CPNE2: variants seen among roughly 807,000 people sequenced by gnomAD.
CPNE2 encodes the protein copine-2.
In CPNE2, 42 loss-of-function variants were observed where a neutral mutation model predicts 69.7. The ratio of observed to expected loss-of-function variants is 0.60; its 90% CI spans 0.47 to 0.78. The LOEUF is 0.78. Ranked by LOEUF, CPNE2 falls within the 30% of genes least tolerant of loss-of-function variation. The probability of loss-of-function intolerance (pLI) is 0.00; values close to 1 mark genes in which losing one functional copy is unlikely to be tolerated. For synonymous variants in CPNE2, 294 were observed against 289.8 expected, an observed-to-expected ratio of 1.01 and a Z score of -0.15; for missense variants, 587 against 732.0, an observed-to-expected ratio of 0.80 and a Z score of 2.29.
intron 4 of CPNE2, 128 bp from the exon 5 acceptor site, chr16:57,117,368 G>A: frequency 1.2e-6 from 1 of 850,538 alleles, no homozygotes; most frequent in East Asian, 2.7e-5. Context: ...ATTTGTCCAA[G>A]GTCACCTGGA....
intron 3 of CPNE2, 107 bp from the exon 4 acceptor site, chr16:57,115,369 C>G: frequency 1.2e-6 from 1 of 845,076 alleles, no homozygotes; most frequent in Non-Finnish European, 1.9e-6. Flanking sequence ...CCAGCCAGGG[C>G]GGGGTGCAGC....
intron 12 of CPNE2, among the ~76,000 whole-genome samples, chr16:57,129,841 TGG>T (rs1491172039): frequency 6.6e-6 from 1 of 151,380 alleles, no homozygotes; most frequent in Non-Finnish European, 1.5e-5. Flanking sequence ...AAGTGGTTGA[TGG>T]GTCAATGGGT....
intron 1 of CPNE2, among the ~76,000 whole-genome samples, chr16:57,105,070 AG>A (rs1367766037): frequency 5.9e-5 from 9 of 152,152 alleles, no homozygotes; most frequent in Non-Finnish European, 1.2e-4. Flanking sequence ...CTAGGTTTAA[AG>A]ACTCCCTCTG....
chr16:57,123,360 A>G, intron 9 of CPNE2, 54 bp from the exon 10 acceptor site: 10 of 1,555,054 alleles, frequency 6.4e-6, no homozygotes, highest in Non-Finnish European at 8.8e-6. Context: ...CAACTCCCCC[A>G]TGGGGAGTGT....
At chr16:57,103,554 G>A (rs1472698045) in intron 1 of CPNE2, among the ~76,000 whole-genome samples, 2 of 152,174 alleles carry the variant, frequency 1.3e-5, no homozygotes, top group Admixed American at 6.5e-5. Flanking sequence ...TGGAATGGGG[G>A]CTGCCTCCCT....
chr16:57,121,883 G>A (rs1312256731), intron 9 of CPNE2, 123 bp downstream of exon 9: 23 of 822,180 alleles, frequency 2.8e-5, no homozygotes, highest in Non-Finnish European at 3.2e-5. Context: ...GCCACATCCT[G>A]GCCCTATGGC....
rs117705810 is a variant in CPNE2 at position 57,134,231 on chromosome 16, C to T, written c.1117-544C>T. On this transcript the variant is annotated intron_variant, in intron 12 of 15. Transcript: ENST00000290776. Reference sequence around the variant, plus strand: ...GGAGCCTATGATAGCCCCATCTGATCCCCTTGCAGCCCCCTTACACTCCCT... The same window carrying T: ...GGAGCCTATGATAGCCCCATCTGATTCCCTTGCAGCCCCCTTACACTCCCT... 8.3e-3 allele frequency among the ~76,000 whole-genome samples: 1,261 copies of T among 152,278 alleles called. 8 individuals are homozygous for T. The highest frequency in any genetic ancestry group is 0.017 in the Middle Eastern group (5 of 294).
chr16:57,147,560 G>C lies in CPNE2; in HGVS notation c.1549G>C (p.Glu517Gln), dbSNP rs2069968040. The C allele has an allele frequency of 6.2e-7, 1 of 1,601,038 alleles. No individual in the cohort carries two copies. Among genetic ancestry groups the C allele is most frequent in the Non-Finnish European group, 8.5e-7 (1 of 1,171,310 alleles). Residue 517 changes from glutamate to glutamine, a missense_variant, in exon 16 of 16, where the codon GAG (glutamate) becomes CAG (glutamine). Physicochemically the swap from Glu to Gln is conservative, Grantham distance 29. Transcript: ENST00000290776. ...CTCCTCCACCCTGCAGGCAGCAAAAGAGACCTTGGCCAAAGCTGTGCTGGC... is the reference window on the plus strand; with the variant it reads ...CTCCTCCACCCTGCAGGCAGCAAAACAGACCTTGGCCAAAGCTGTGCTGGC... ...PFREFRNAAK[E>Q]TLAKAVLAEL...
Position 57,117,393 on chromosome 16 carries a change from C to T in CPNE2, c.436-103C>T. The T allele has an allele frequency of 3.5e-6, 4 of 1,159,022 alleles. No homozygotes were observed. The South Asian group carries it at 5.5e-5, about 16-fold the overall frequency. The allele number at this position is 1,159,022 out of a possible 1,614,324, so 71.8% of individuals were successfully genotyped here. A position where few individuals can be genotyped will look rare whatever the true frequency, so the allele number is the denominator to read the frequency against. On this transcript the variant is annotated intron_variant, in intron 4 of 15. Coordinates refer to ENST00000290776, the MANE Select transcript of CPNE2 (RefSeq NM_152727.6). ...GGTCACCTGGAACTGCCCTTCCCTTCCCCCTCCTAGCCCTGGAGGATTGCT... is the reference window on the plus strand; with the variant it reads ...GGTCACCTGGAACTGCCCTTCCCTTTCCCCTCCTAGCCCTGGAGGATTGCT...
chr16:57,147,280 G>C (rs1201306455), intron 15 of CPNE2: 1 of 350,876 alleles, frequency 2.9e-6, no homozygotes, highest in Non-Finnish European at 5.1e-6. Context: ...CGCAGACGGA[G>C]TCATCCTAAC....
At chr16:57,106,723 G>A (rs1181453996) in intron 1 of CPNE2, among the ~76,000 whole-genome samples, 3 of 152,158 alleles carry the variant, frequency 2.0e-5, no homozygotes, top group Non-Finnish European at 4.4e-5. Context: ...AATCCACCTC[G>A]CCAGCAATGG....
chr16:57,140,018 TAG>T lies in CPNE2; in HGVS notation c.1302+2739_1302+2740del, dbSNP rs559883836. Reference sequence around the variant, plus strand: ...AGCGCTCAGGGAAGAGTGGCCGGGGTAGAGGGAACAGGAAGCGCAGGGCGTGG... The same window carrying T: ...AGCGCTCAGGGAAGAGTGGCCGGGGTAGGGAACAGGAAGCGCAGGGCGTGG... On this transcript the variant is annotated intron_variant, in intron 14 of 15. Transcript: ENST00000290776. Among the ~76,000 whole-genome samples, 18 of 151,610 alleles carry T rather than the reference TAG, an allele frequency of 1.2e-4. No individual in the cohort carries two copies. The South Asian group carries it at 3.8e-3, about 32-fold the overall frequency.
chr16:57,098,223 G>A (rs1265745827), intron 1 of CPNE2, among the ~76,000 whole-genome samples: 1 of 152,232 alleles, frequency 6.6e-6, no homozygotes, highest in African/African-American at 2.4e-5. Flanking sequence ...GGGCCTCAGG[G>A]CCAACCCCTG....
rs543558807 is a variant in CPNE2 at position 57,108,044 on chromosome 16, A to T, written c.-35-2664A>T. Among the ~76,000 whole-genome samples the T allele has an allele frequency of 2.6e-4, 40 of 151,922 alleles. No homozygotes were observed. In the Middle Eastern group the frequency reaches 0.014, roughly 52 times the overall value. On this transcript the variant is annotated intron_variant, in intron 1 of 15. Coordinates refer to ENST00000290776, the MANE Select transcript of CPNE2 (RefSeq NM_152727.6). ...CGCCACCATGCTGGCTAATTTTTGT[A>T]CTTTTAGTAGAGATGGGGTTTCACC...
intron 2 of CPNE2, 158 bp from the exon 3 acceptor site, chr16:57,113,130 C>G: frequency 1.5e-6 from 1 of 666,382 alleles, no homozygotes; most frequent in Non-Finnish European, 2.5e-6. Context: ...CTTCAGTGTC[C>G]TTGTCTGTGA....
At chr16:57,132,732 C>A (rs1195850672) in intron 12 of CPNE2, among the ~76,000 whole-genome samples, 1 of 152,192 alleles carries the variant, frequency 6.6e-6, no homozygotes, top group Admixed American at 6.5e-5. Flanking sequence ...AGGGGCTGAG[C>A]TGCCACTCCT....
chr16:57,123,560 G>A (rs2069778948), intron 10 of CPNE2, 87 bp downstream of exon 10: 1 of 1,420,026 alleles, frequency 7.0e-7, no homozygotes, highest in Non-Finnish European at 9.9e-7. Context: ...CAGCCAGAGG[G>A]ACTTAGGGTA....
chr16:57,127,382 C>T (rs760900334), intron 11 of CPNE2, among the ~76,000 whole-genome samples: 10 of 151,976 alleles, frequency 6.6e-5, no homozygotes, highest in South Asian at 6.2e-4. Flanking sequence ...TGTGAAGGGG[C>T]GTGGGTGGAA....
At position 57,147,882 on chromosome 16, in the gene CPNE2, C is replaced by G; in HGVS notation, c.*224C>G. 2.5e-6 allele frequency: 1 copy of G among 399,754 alleles called. No individual in the cohort carries two copies. The highest frequency in any genetic ancestry group is 3.6e-5 in the East Asian group (1 of 27,814). The allele number at this position is 399,754 out of a possible 1,614,324, so 24.8% of individuals were successfully genotyped here. On this transcript the variant is annotated 3_prime_UTR_variant, in exon 16 of 16. Transcript: ENST00000290776. ...AAACTGGCTTCCTCTCCTCCTCTCC[C>G]CACCTTTGCCATTCTTAAGTATTGA...
Sources: gnomAD v4.1 joint callset for allele counts (sites outside exome capture counted in the v4.1 genomes callset) on GRCh38, gnomAD v4.1.1 for gene constraint, MANE v1.5 for transcripts, NCBI Gene and HGNC (gene_info 2026-07-23, HGNC 2026-07-21) for gene names.